THSD7B: variants seen among roughly 807,000 people sequenced by gnomAD.
The protein encoded by THSD7B is thrombospondin type-1 domain-containing protein 7B.
In THSD7B, 138 loss-of-function variants were observed where a neutral mutation model predicts 213.6. The ratio of observed to expected loss-of-function variants is 0.65; its 90% CI spans 0.56 to 0.74. The LOEUF (loss-of-function observed/expected upper bound fraction) is 0.74, where lower values mean the gene tolerates loss of function less well. Among genes scored for constraint, THSD7B ranks in the 30% least tolerant of loss-of-function variants. The pLI, the probability that THSD7B is intolerant of heterozygous loss-of-function variation, is 0.00. For missense variants in THSD7B, 1,931 were observed against 1,991.5 expected (o/e 0.97, Z 0.58); for synonymous variants, 742 against 687.0 (o/e 1.08, Z -1.25).
chr2:137,217,500 G>C (rs1681275581), intron 7 of THSD7B, among the ~76,000 whole-genome samples: 1 of 152,094 alleles, frequency 6.6e-6, no homozygotes, highest in Non-Finnish European at 1.5e-5. Flanking sequence ...TGCAAACTTA[G>C]AGGTGAAATA....
intron 14 of THSD7B, among the ~76,000 whole-genome samples, chr2:137,425,004 G>A (rs775952378): frequency 2.0e-5 from 3 of 151,258 alleles, no homozygotes; most frequent in Non-Finnish European, 2.9e-5. Flanking sequence ...CCCGGGAGGC[G>A]GAGCTTACAG....
intron 3 of THSD7B, among the ~76,000 whole-genome samples, chr2:137,079,020 T>C (rs554376557): frequency 6.6e-6 from 1 of 152,298 alleles, no homozygotes; most frequent in African/African-American, 2.4e-5. Context: ...TGTTAGAATC[T>C]ATAATTTATA....
chr2:137,099,413 G>A (rs73958335), intron 4 of THSD7B, among the ~76,000 whole-genome samples: 6 of 152,174 alleles, frequency 3.9e-5, no homozygotes, highest in Admixed American at 6.5e-5. Flanking sequence ...GACAAAGAAC[G>A]TAGAGCTGTA....
intron 3 of THSD7B, among the ~76,000 whole-genome samples, chr2:137,075,528 C>T (rs1287456797): frequency 2.0e-5 from 3 of 152,142 alleles, no homozygotes; most frequent in South Asian, 2.1e-4. Flanking sequence ...CCCATTGGTT[C>T]GAATTTCCTC....
chr2:137,482,827 C>T (rs887363590), intron 15 of THSD7B, among the ~76,000 whole-genome samples: 3 of 152,096 alleles, frequency 2.0e-5, no homozygotes, highest in African/African-American at 7.2e-5. Context: ...ACGAAAAGGA[C>T]AGACACGGGT....
intron 12 of THSD7B, among the ~76,000 whole-genome samples, chr2:137,405,043 A>T (rs966351106): frequency 1.3e-5 from 2 of 152,060 alleles, no homozygotes; most frequent in Non-Finnish European, 2.9e-5. Flanking sequence ...AATGGAAATG[A>T]TCTGAATAGA....
Position 137,657,045 on chromosome 2 carries a change from A to G in THSD7B, c.4280-20A>G, listed in dbSNP as rs371442819. The stretch of plus-strand genomic sequence containing the variant: ...CTAAGTGAGGTGTAATAGAACTGCT[A>G]TTATCATATTTACTTACAGGAGGCA... On this transcript the variant is annotated intron_variant, in intron 23 of 27. Transcript: ENST00000409968. 8 of 1,613,606 alleles carry G rather than the reference A, an allele frequency of 5.0e-6. No homozygotes were observed. The African/African-American group carries it at 6.7e-5, about 13-fold the overall frequency.
intron 21 of THSD7B, among the ~76,000 whole-genome samples, chr2:137,654,026 G>C (rs1683187260): frequency 1.3e-5 from 2 of 151,814 alleles, no homozygotes; most frequent in Admixed American, 6.6e-5. Context: ...TTAATTCCAG[G>C]CTTGTCAGTG....
At chr2:137,571,067 C>T (rs1573716356) in intron 16 of THSD7B, among the ~76,000 whole-genome samples, 1 of 152,238 alleles carries the variant, frequency 6.6e-6, no homozygotes, top group East Asian at 1.9e-4. Flanking sequence ...GTGTAACCAG[C>T]CCAGAGGTCA....
intron 1 of THSD7B, among the ~76,000 whole-genome samples, chr2:136,858,786 G>GA (rs1573673158): frequency 1.3e-5 from 2 of 152,090 alleles, no homozygotes; most frequent in African/African-American, 4.8e-5. Context: ...TGTGAAAATG[G>GA]AAAAAAACTT....
chr2:137,057,377 A>T, intron 3 of THSD7B, 147 bp downstream of exon 3: 1 of 822,324 alleles, frequency 1.2e-6, no homozygotes. Flanking sequence ...AGAAATTTTT[A>T]ATTTCACTGG....
intron 12 of THSD7B, among the ~76,000 whole-genome samples, chr2:137,286,699 GGGA>G (rs1038537728): frequency 1.5e-4 from 23 of 151,512 alleles, no homozygotes; most frequent in African/African-American, 5.6e-4. Context: ...TTTTGGGTAT[GGGA>G]GGAGGAGGAG....
chr2:136,832,353 G>T (rs573794862), intron 1 of THSD7B, among the ~76,000 whole-genome samples: 109 of 152,194 alleles, frequency 7.2e-4, no homozygotes, highest in African/African-American at 2.6e-3. Flanking sequence ...TGAGAACCAG[G>T]GGGGTGGATG....
At chr2:137,241,462 A>C (rs1001793364) in intron 9 of THSD7B, among the ~76,000 whole-genome samples, 1 of 152,224 alleles carries the variant, frequency 6.6e-6, no homozygotes, top group Non-Finnish European at 1.5e-5. Flanking sequence ...TTAACTATTT[A>C]TATTACTTTC....
At chr2:137,494,407 A>T (rs988815255) in intron 15 of THSD7B, among the ~76,000 whole-genome samples, 1 of 152,150 alleles carries the variant, frequency 6.6e-6, no homozygotes, top group Admixed American at 6.5e-5. Context: ...TTTTTTTCTA[A>T]TGTATTTCTT....
chr2:137,021,210 C>T (rs137933333), intron 2 of THSD7B, among the ~76,000 whole-genome samples: 5 of 152,286 alleles, frequency 3.3e-5, no homozygotes, highest in African/African-American at 1.2e-4. Context: ...GGTCTAGAGC[C>T]ACTCTGTCCA....
intron 2 of THSD7B, among the ~76,000 whole-genome samples, chr2:137,013,220 A>T (rs1191282787): frequency 6.6e-6 from 1 of 152,208 alleles, no homozygotes; most frequent in Non-Finnish European, 1.5e-5. Flanking sequence ...AGCTGAAACA[A>T]TCAAATAAAT....
chr2:137,092,941 C>T (rs1046896344), intron 3 of THSD7B, among the ~76,000 whole-genome samples: 1 of 152,194 alleles, frequency 6.6e-6, no homozygotes, highest in African/African-American at 2.4e-5. Flanking sequence ...CCTGCTCCCC[C>T]TCCCCTTTTT....
chr2:137,600,828 A>G (rs1055322305), intron 17 of THSD7B, among the ~76,000 whole-genome samples: 4 of 152,204 alleles, frequency 2.6e-5, no homozygotes, highest in Non-Finnish European at 5.9e-5. Context: ...TTATTATTGT[A>G]TGAGATGATA....
Sources: allele counts gnomAD v4.1 joint callset (sites outside exome capture counted in the v4.1 genomes callset), GRCh38; gene constraint gnomAD v4.1.1; transcripts MANE v1.5; gene names NCBI Gene and HGNC (gene_info 2026-07-23, HGNC 2026-07-21).